The following GUCY1A2 variants were observed in gnomAD, a reference collection of about 807,000 sequenced individuals.
The protein encoded by GUCY1A2 is guanylate cyclase 1 soluble subunit alpha 2, also known as guanylate cyclase soluble subunit alpha-2.
Under a neutral mutation model 63.5 loss-of-function variants are expected in GUCY1A2, and 27 were observed. The ratio of observed to expected loss-of-function variants is 0.43; its 90% CI spans 0.31 to 0.59. GUCY1A2 has a LOEUF of 0.59. Ranked by LOEUF, GUCY1A2 falls within the 20% of genes least tolerant of loss-of-function variation. The pLI is 0.11. For synonymous variants in GUCY1A2, 364 were observed against 343.5 expected (o/e 1.06, Z -0.66); for missense variants, 768 against 913.3 (o/e 0.84, Z 2.05).
At chr11:106,816,514 G>A (rs557573763) in intron 4 of GUCY1A2, among the ~76,000 whole-genome samples, 8 of 151,436 alleles carry the variant, frequency 5.3e-5, no homozygotes, top group Admixed American at 2.0e-4. Flanking sequence ...AACAAATCAC[G>A]AATCAATAAT....
At chr11:106,775,936 C>A (rs754943912) in intron 6 of GUCY1A2, among the ~76,000 whole-genome samples, 1 of 152,132 alleles carries the variant, frequency 6.6e-6, no homozygotes, top group Non-Finnish European at 1.5e-5. Flanking sequence ...AGGATCTGGA[C>A]TTTCCACTGT....
intron 4 of GUCY1A2, among the ~76,000 whole-genome samples, chr11:106,882,072 CTCCTTCCT>C (rs371703480): frequency 2.6e-5 from 4 of 151,758 alleles, no homozygotes; most frequent in African/African-American, 7.2e-5. Context: ...TTCTTTTCTT[CTCCTTCCT>C]TCCTTCCTTC....
intron 6 of GUCY1A2, among the ~76,000 whole-genome samples, chr11:106,716,963 C>T (rs140641207): frequency 2.6e-5 from 4 of 152,032 alleles, no homozygotes; most frequent in African/African-American, 7.2e-5. Context: ...GCAGCAGATC[C>T]GCTTGTAGAG....
At chr11:106,801,253 C>T (rs1196666765) in intron 5 of GUCY1A2, among the ~76,000 whole-genome samples, 1 of 152,140 alleles carries the variant, frequency 6.6e-6, no homozygotes, top group African/African-American at 2.4e-5. Flanking sequence ...CTAATTACTA[C>T]ATTGAGGGCC....
intron 5 of GUCY1A2, among the ~76,000 whole-genome samples, chr11:106,779,088 A>G (rs372247215): frequency 6.6e-6 from 1 of 152,214 alleles, no homozygotes; most frequent in Non-Finnish European, 1.5e-5. Context: ...AGAACACTTA[A>G]GAAGCTCATG....
chr11:106,838,683 T>A (rs1033500541), intron 4 of GUCY1A2, among the ~76,000 whole-genome samples: 3 of 152,044 alleles, frequency 2.0e-5, no homozygotes, highest in African/African-American at 7.2e-5. Context: ...CTAACTGCTG[T>A]GAGATCATAT....
chr11:106,776,690 T>G, intron 5 of GUCY1A2, 108 bp from the exon 6 acceptor site: 1 of 1,043,040 alleles, frequency 9.6e-7, no homozygotes, highest in Non-Finnish European at 1.4e-6. Context: ...CGGCAAAACA[T>G]CAATAAATTA....
chr11:106,829,762 G>A (rs1859025947), intron 4 of GUCY1A2, among the ~76,000 whole-genome samples: 1 of 152,118 alleles, frequency 6.6e-6, no homozygotes, highest in South Asian at 2.1e-4. Context: ...TGGAGGTAAG[G>A]AAGAATATGT....
At chr11:106,893,854 C>T (rs1860008837) in intron 4 of GUCY1A2, among the ~76,000 whole-genome samples, 1 of 152,136 alleles carries the variant, frequency 6.6e-6, no homozygotes, top group Non-Finnish European at 1.5e-5. Context: ...AGACTAAAAA[C>T]TCCAGGGGCA....
intron 6 of GUCY1A2, among the ~76,000 whole-genome samples, chr11:106,718,904 T>C (rs939877580): frequency 3.3e-5 from 5 of 152,142 alleles, no homozygotes; most frequent in Non-Finnish European, 5.9e-5. Flanking sequence ...CTTTTTTCTA[T>C]AATTTGATTT....
chr11:106,826,536 A>C lies in GUCY1A2; in HGVS notation c.1207-16058T>G, dbSNP rs1161108602. ...TTAAGAAAGCTCCCATCATTCGTCC[A>C]TTTTGCATGACGACTTTGATGTATT... On this transcript the variant is annotated intron_variant, in intron 4 of 7. Transcript: ENST00000526355. The C allele has an allele frequency of 2.5e-6, 4 of 1,602,876 alleles. No homozygotes were observed. The African/African-American group carries it at 5.4e-5, about 21-fold the overall frequency.
At chr11:106,932,062 G>C (rs969615394) in intron 4 of GUCY1A2, among the ~76,000 whole-genome samples, 2 of 151,854 alleles carry the variant, frequency 1.3e-5, no homozygotes, top group African/African-American at 4.8e-5. Flanking sequence ...TGGCTAAAAT[G>C]ATTCTAACTT....
At chr11:106,942,358 C>T (rs1373504906) in intron 3 of GUCY1A2, among the ~76,000 whole-genome samples, 2 of 152,120 alleles carry the variant, frequency 1.3e-5, no homozygotes, top group Non-Finnish European at 2.9e-5. Context: ...ATGCCAAATC[C>T]TTACATCACC....
chr11:106,888,251 G>A (rs1229668990), intron 4 of GUCY1A2, among the ~76,000 whole-genome samples: 2 of 151,736 alleles, frequency 1.3e-5, no homozygotes, highest in Non-Finnish European at 2.9e-5. Flanking sequence ...GAGGTCAGGA[G>A]ATCGAGACCA....
chr11:106,936,587 T>C (rs1860679865), intron 4 of GUCY1A2: 2 of 852,270 alleles, frequency 2.3e-6, no homozygotes, highest in South Asian at 3.3e-5. Flanking sequence ...AGAGAAAATG[T>C]AGAGGAAACC....
chr11:106,986,450 C>G (rs1245256503), intron 1 of GUCY1A2, among the ~76,000 whole-genome samples: 1 of 152,114 alleles, frequency 6.6e-6, no homozygotes, highest in African/African-American at 2.4e-5. Context: ...CTGGGGATAG[C>G]AGGGAGGGTG....
intron 3 of GUCY1A2, among the ~76,000 whole-genome samples, chr11:106,974,110 A>G (rs1253895860): frequency 6.6e-6 from 1 of 152,038 alleles, no homozygotes; most frequent in Non-Finnish European, 1.5e-5. Context: ...AACATTATTA[A>G]GTTATTTCCC....
chr11:107,012,854 C>T (rs534357364), intron 1 of GUCY1A2, among the ~76,000 whole-genome samples: 26 of 152,084 alleles, frequency 1.7e-4, no homozygotes, highest in Non-Finnish European at 3.2e-4. Flanking sequence ...AATTAAACTA[C>T]CTAAATTTGT....
In GUCY1A2 at chr11:106,853,832, G is replaced by A. The variant is rs75427343; in HGVS notation, c.1207-43354C>T. 5.8e-3 allele frequency among the ~76,000 whole-genome samples: 890 copies of A among 152,184 alleles called. 6 individuals are homozygous for A. The highest frequency in any genetic ancestry group is 0.021 in the African/African-American group (858 of 41,524). On this transcript the variant is annotated intron_variant, in intron 4 of 7. Coordinates refer to ENST00000526355, the MANE Select transcript of GUCY1A2 (RefSeq NM_000855.3). Reference sequence around the variant, plus strand: ...TTTTCCCTGTAAGTAGATCTTTATTGTTTGTTCAGTAGGGTGTTTTGGCTT... The same window carrying A: ...TTTTCCCTGTAAGTAGATCTTTATTATTTGTTCAGTAGGGTGTTTTGGCTT...
Sources: gnomAD v4.1 joint callset for allele counts (sites outside exome capture counted in the v4.1 genomes callset) on GRCh38, gnomAD v4.1.1 for gene constraint, MANE v1.5 for transcripts, NCBI Gene and HGNC (gene_info 2026-07-23, HGNC 2026-07-21) for gene names.